The following PLXDC2 variants were observed in gnomAD, a reference collection of about 807,000 sequenced individuals.
The protein encoded by PLXDC2 is plexin domain containing 2, also known as plexin domain-containing protein 2.
Under a neutral mutation model 68.9 loss-of-function variants are expected in PLXDC2, and 40 were observed. The ratio of observed to expected loss-of-function variants is 0.58; its 90% CI spans 0.45 to 0.76. The LOEUF (loss-of-function observed/expected upper bound fraction) is 0.76, where lower values mean the gene tolerates loss of function less well. Ranked by LOEUF, PLXDC2 falls within the 30% of genes least tolerant of loss-of-function variation. The probability of loss-of-function intolerance (pLI) is 0.00; values close to 1 mark genes in which losing one functional copy is unlikely to be tolerated. For synonymous variants in PLXDC2, 243 were observed against 234.2 expected, an observed-to-expected ratio of 1.04 and a Z score of -0.34; for missense variants, 644 against 661.9, an observed-to-expected ratio of 0.97 and a Z score of 0.30.
At chr10:20,271,683 T>G (rs1835942610) in intron 13 of PLXDC2, among the ~76,000 whole-genome samples, 1 of 152,122 alleles carries the variant, frequency 6.6e-6, no homozygotes, top group African/African-American at 2.4e-5. Flanking sequence ...GACAGTAAGC[T>G]GACTGAAGAG....
intron 1 of PLXDC2, among the ~76,000 whole-genome samples, chr10:19,860,203 T>C (rs538542957): frequency 4.4e-4 from 67 of 152,352 alleles, no homozygotes; most frequent in African/African-American, 1.6e-3. Flanking sequence ...GGCTTTGTCA[T>C]GCAGGGTGCA....
At chr10:20,229,517 C>CAA (rs58386547) in intron 12 of PLXDC2, among the ~76,000 whole-genome samples, 33,377 of 105,466 alleles carry the variant, frequency 0.32, 4,919 homozygotes, top group Non-Finnish European at 0.37. Flanking sequence ...CCACTTTAAG[C>CAA]AAAAAAAAAA....
chr10:20,242,016 G>A (rs542821909), intron 12 of PLXDC2, among the ~76,000 whole-genome samples: 4 of 151,876 alleles, frequency 2.6e-5, no homozygotes, highest in Admixed American at 1.3e-4. Context: ...ATGGAGGGAT[G>A]GAAAGACGAG....
intron 12 of PLXDC2, among the ~76,000 whole-genome samples, chr10:20,240,433 A>G (rs1028708485): frequency 5.9e-5 from 9 of 152,164 alleles, no homozygotes; most frequent in African/African-American, 1.9e-4. Context: ...TATCCTTTTG[A>G]GTATATACCC....
chr10:19,841,300 G>A (rs1836899669), intron 1 of PLXDC2, among the ~76,000 whole-genome samples: 1 of 152,092 alleles, frequency 6.6e-6, no homozygotes, highest in Non-Finnish European at 1.5e-5. Context: ...CTCAAGTAAT[G>A]TAAGTTTCTA....
intron 4 of PLXDC2, among the ~76,000 whole-genome samples, chr10:20,116,991 G>GA (rs1301864565): frequency 2.0e-5 from 3 of 150,464 alleles, no homozygotes; most frequent in Non-Finnish European, 4.4e-5. Flanking sequence ...AAGACTGGAA[G>GA]AAAAAATATA....
intron 2 of PLXDC2, among the ~76,000 whole-genome samples, chr10:20,002,410 C>A (rs1049966521): frequency 6.6e-6 from 1 of 152,068 alleles, no homozygotes; most frequent in Non-Finnish European, 1.5e-5. Flanking sequence ...CAGGCGCATG[C>A]CACCACTTTT....
Position 20,177,830 on chromosome 10 carries a change from A to T in PLXDC2, c.1061+421A>T, listed in dbSNP as rs369861459. ...TGCATTAGCAATATTGTATGTATAAAATATATAGATATCATGATCAAAATG... is the reference window on the plus strand; with the variant it reads ...TGCATTAGCAATATTGTATGTATAATATATATAGATATCATGATCAAAATG... On this transcript the variant is annotated intron_variant, in intron 9 of 13. Transcript: ENST00000377252. 4.7e-4 allele frequency among the ~76,000 whole-genome samples: 71 copies of T among 152,266 alleles called. No individual in the cohort carries two copies. In the East Asian group the frequency reaches 7.8e-3, roughly 17 times the overall value.
At chr10:20,169,249 T>A (rs1834414422) in intron 7 of PLXDC2, among the ~76,000 whole-genome samples, 1 of 152,184 alleles carries the variant, frequency 6.6e-6, no homozygotes, top group Non-Finnish European at 1.5e-5. Context: ...TTGCTTTCCA[T>A]CAAGGTTGTA....
chr10:19,983,123 A>T (rs1834579735), intron 1 of PLXDC2, among the ~76,000 whole-genome samples: 1 of 152,166 alleles, frequency 6.6e-6, no homozygotes, highest in Non-Finnish European at 1.5e-5. Flanking sequence ...CTCTGTAGGT[A>T]ACCTCCACTT....
intron 4 of PLXDC2, among the ~76,000 whole-genome samples, chr10:20,129,581 G>A (rs142282967): frequency 4.6e-4 from 51 of 110,428 alleles, no homozygotes; most frequent in African/African-American, 1.4e-3. Context: ...ACATATATAT[G>A]TAGCCCAGAT....
chr10:19,987,755 G>A (rs1011757061), intron 1 of PLXDC2, among the ~76,000 whole-genome samples: 4 of 151,792 alleles, frequency 2.6e-5, no homozygotes, highest in East Asian at 1.9e-4. Flanking sequence ...TAGTAGAGAT[G>A]GGGTTTCACC....
chr10:20,018,016 C>T (rs1167677963), intron 2 of PLXDC2, among the ~76,000 whole-genome samples: 2 of 152,198 alleles, frequency 1.3e-5, no homozygotes, highest in Non-Finnish European at 2.9e-5. Flanking sequence ...GGAACCTGGG[C>T]CCAGGATGCC....
At chr10:20,142,509 C>T (rs941300959) in intron 4 of PLXDC2, among the ~76,000 whole-genome samples, 1 of 151,980 alleles carries the variant, frequency 6.6e-6, no homozygotes, top group Non-Finnish European at 1.5e-5. Context: ...GTAAATAAAC[C>T]TAGTGTGAAT....
intron 1 of PLXDC2, among the ~76,000 whole-genome samples, chr10:19,959,669 A>G (rs1405865346): frequency 6.6e-6 from 1 of 152,222 alleles, no homozygotes; most frequent in African/African-American, 2.4e-5. Context: ...TTAAATCAGC[A>G]ATTTAAAACC....
At chr10:19,957,435 G>A (rs1023571356) in intron 1 of PLXDC2, among the ~76,000 whole-genome samples, 2 of 152,130 alleles carry the variant, frequency 1.3e-5, no homozygotes, top group East Asian at 3.8e-4. Flanking sequence ...TAACATTTTA[G>A]TCATGCACAC....
rs376988347 is a variant in PLXDC2 at position 20,044,094 on chromosome 10, CCCTT to C, written c.325-2747_325-2744del. On this transcript the variant is annotated intron_variant, in intron 2 of 13. Coordinates refer to ENST00000377252, the MANE Select transcript of PLXDC2 (RefSeq NM_032812.9). ...ACTTGCGCAGGGATCTGGCTTTTTCCCCTTCCTTCCTTCCTTCCTTCCTTCCTTC... is the reference window on the plus strand; with the variant it reads ...ACTTGCGCAGGGATCTGGCTTTTTCCCCTTCCTTCCTTCCTTCCTTCCTTC... Among the ~76,000 whole-genome samples the C allele has an allele frequency of 3.0e-3, 97 of 32,872 alleles. 4 individuals carry two copies. Among genetic ancestry groups the C allele is most frequent in the Non-Finnish European group, 6.0e-3 (72 of 11,982 alleles). The allele number at this position is 32,872 out of a possible 152,430, so 21.6% of individuals were successfully genotyped here.
intron 2 of PLXDC2, among the ~76,000 whole-genome samples, chr10:20,021,345 T>G (rs1835305901): frequency 6.6e-6 from 1 of 152,188 alleles, no homozygotes; most frequent in Admixed American, 6.5e-5. Flanking sequence ...CCCTGGTGGT[T>G]TGCTGCACCT....
intron 1 of PLXDC2, among the ~76,000 whole-genome samples, chr10:19,998,489 C>T (rs935857066): frequency 3.3e-5 from 5 of 152,076 alleles, no homozygotes; most frequent in African/African-American, 9.7e-5. Flanking sequence ...GACCAGGTAG[C>T]CTTGTTTATT....
Sources: allele counts gnomAD v4.1 joint callset (sites outside exome capture counted in the v4.1 genomes callset), GRCh38; gene constraint gnomAD v4.1.1; transcripts MANE v1.5; gene names NCBI Gene and HGNC (gene_info 2026-07-23, HGNC 2026-07-21).